The following DSG2 variants were observed in gnomAD, a reference collection of about 807,000 sequenced individuals.
DSG2 encodes the protein desmoglein 2, also known as desmoglein-2.
A neutral mutation model predicts 75.6 loss-of-function variants in DSG2; 45 were observed. The ratio of observed to expected loss-of-function variants is 0.60; its 90% CI spans 0.47 to 0.76. DSG2 has a LOEUF of 0.76. DSG2 is among the 30% of genes least tolerant of loss of function. DSG2 has a pLI of 0.00. For synonymous variants in DSG2, 429 were observed against 483.9 expected (o/e 0.89, Z 1.49); for missense variants, 1,267 against 1,357.4 (o/e 0.93, Z 1.05).
chr18:31,524,070 CA>C (rs1384644266), intron 6 of DSG2, among the ~76,000 whole-genome samples: 1 of 152,190 alleles, frequency 6.6e-6, no homozygotes, highest in Non-Finnish European at 1.5e-5. Flanking sequence ...CTTCACTAAC[CA>C]AGTTTATTTA....
chr18:31,523,644 A>C (rs952852358), intron 6 of DSG2, among the ~76,000 whole-genome samples: 5 of 152,210 alleles, frequency 3.3e-5, no homozygotes, highest in African/African-American at 1.2e-4. Flanking sequence ...CTTACTGGGC[A>C]TTTACCTTCT....
chr18:31,517,036 G>A (rs2073098235), intron 1 of DSG2, among the ~76,000 whole-genome samples: 1 of 152,146 alleles, frequency 6.6e-6, no homozygotes, highest in Admixed American at 6.5e-5. Context: ...AGAAAGTGCT[G>A]GTTCAGATTG....
intron 11 of DSG2, 129 bp downstream of exon 11, chr18:31,536,558 GT>G (rs1370103879): frequency 1.1e-6 from 1 of 938,812 alleles, no homozygotes; most frequent in African/African-American, 1.6e-5. Flanking sequence ...ATGAAATGAG[GT>G]CCTGAACCTA....
rs1395516487 is a variant in DSG2, at chr18:31,524,899, A to G, written c.1014+11A>G. 1.2e-6 allele frequency: 2 copies of G among 1,614,002 alleles called. No homozygotes were observed. The highest frequency in any genetic ancestry group is 1.3e-5 in the African/African-American group (1 of 75,060). On this transcript the variant is annotated intron_variant, in intron 8 of 14. Transcript: ENST00000261590. Reference sequence around the variant, plus strand: ...GTGACCCTTATTAAGGTAAGTACTAAGTATTCAAAACTGGCGTGGGCCAAG... The same window carrying G: ...GTGACCCTTATTAAGGTAAGTACTAGGTATTCAAAACTGGCGTGGGCCAAG...
In DSG2 at chr18:31,499,386, G is replaced by GTC. The variant is rs1260164308; in HGVS notation, c.45+1093_45+1094dup. On this transcript the variant is annotated intron_variant, in intron 1 of 14. Coordinates refer to ENST00000261590, the MANE Select transcript of DSG2 (RefSeq NM_001943.5). The stretch of plus-strand genomic sequence containing the variant: ...TGTGTGTGTGTGTGTGTGTGTGTGT[G>GTC]TCTCAAAACGGAAAAAGGCGTGACT... Among the ~76,000 whole-genome samples the GTC allele has an allele frequency of 3.4e-5, 5 of 147,706 alleles. No individual in the cohort carries two copies. The South Asian group carries it at 1.1e-3, about 32-fold the overall frequency.
intron 1 of DSG2, among the ~76,000 whole-genome samples, chr18:31,502,330 C>G (rs563957224): frequency 6.6e-6 from 1 of 151,872 alleles, no homozygotes; most frequent in African/African-American, 2.4e-5. Context: ...CAAGTGTAAG[C>G]GTGAGAATTA....
intron 1 of DSG2, among the ~76,000 whole-genome samples, chr18:31,499,100 G>A (rs998995902): frequency 6.6e-6 from 1 of 152,006 alleles, no homozygotes; most frequent in Non-Finnish European, 1.5e-5. Flanking sequence ...TTTGTTTAAG[G>A]GGTTGCACGT....
rs763994831 is a variant in DSG2 at position 31,542,760 on chromosome 18, G to A, written c.2242G>A (p.Ala748Thr). ...AIMTTETTKTARATGASRDMA... is the reference protein window; with the variant it reads ...AIMTTETTKTTRATGASRDMA... The stretch of plus-strand genomic sequence containing the variant: ...CATGACCACTGAAACCACGAAGACC[G>A]CAAGGGCCACAGGGGCTTCCAGAGA... Residue 748 changes from alanine (A) to threonine (T), a missense_variant, in exon 14 of 15, where the codon GCA becomes ACA. By Grantham distance (58) the Ala-to-Thr change is moderately conservative. Transcript: ENST00000261590. 2.4e-5 allele frequency: 38 copies of A among 1,613,720 alleles called. No homozygotes were observed. The East Asian group carries it at 5.8e-4, about 25-fold the overall frequency.
chr18:31,540,054 G>T (rs537473882), intron 12 of DSG2, among the ~76,000 whole-genome samples: 2 of 151,838 alleles, frequency 1.3e-5, no homozygotes, highest in East Asian at 3.9e-4. Flanking sequence ...TAAGTTCAGG[G>T]CTCCCACTGA....
chr18:31,532,697 G>A (rs149471269), intron 9 of DSG2, among the ~76,000 whole-genome samples: 45 of 152,282 alleles, frequency 3.0e-4, no homozygotes, highest in African/African-American at 9.9e-4. Flanking sequence ...ATGTGGTCTA[G>A]TTGGTCTAGT....
chr18:31,521,183 A>C lies in DSG2; in HGVS notation c.463A>C (p.Asn155His), dbSNP rs764577709. 1.9e-6 allele frequency: 3 copies of C among 1,614,008 alleles called. No homozygotes were observed. The South Asian group carries it at 3.3e-5, about 18-fold the overall frequency. Residue 155 changes from asparagine to histidine, a missense_variant, in exon 5 of 15, where the codon AAC (asparagine) becomes CAC (histidine). Coordinates refer to ENST00000261590, the MANE Select transcript of DSG2 (RefSeq NM_001943.5). ...CATTAAGGTTCTTGATATCAATGAC[A>C]ACGAACCAGTGTTCACACAGGATGT... ...LRIKVLDIND[N>H]EPVFTQDVFV...
In DSG2 at chr18:31,546,569, C is replaced by A. The variant is rs1420676188; in HGVS notation, c.3183C>A (p.Tyr1061Ter). 6.2e-7 allele frequency: 1 copy of A among 1,614,198 alleles called. No homozygotes were observed. The highest frequency in any genetic ancestry group is 1.1e-5 in the South Asian group (1 of 91,082). The change falls in exon 15 of 15, where the codon TAC (tyrosine) becomes TAA (stop). Residue 1061 changes from tyrosine to a stop codon, truncating the protein, a stop_gained. Coordinates refer to ENST00000261590, the MANE Select transcript of DSG2 (RefSeq NM_001943.5). LOFTEE classifies it low-confidence loss of function (END_TRUNC). ...LAPASTLQSS[Y>*]QIPTENSMTA... ...CTGCTTCCACTCTGCAATCCAGTTA[C>A]CAGATTCCCACTGAAAATTCTATGA...
chr18:31,521,807 A>G (rs977378808), intron 5 of DSG2, among the ~76,000 whole-genome samples: 1 of 152,114 alleles, frequency 6.6e-6, no homozygotes, highest in African/African-American at 2.4e-5. Context: ...CTTTCTTTGT[A>G]TTGGCTACTA....
intron 11 of DSG2, among the ~76,000 whole-genome samples, chr18:31,536,977 C>T (rs1008118471): frequency 6.6e-6 from 1 of 152,198 alleles, no homozygotes; most frequent in Non-Finnish European, 1.5e-5. Flanking sequence ...TGTCAGTGGA[C>T]ATGTCCATAT....
intron 8 of DSG2, among the ~76,000 whole-genome samples, chr18:31,528,468 T>C (rs544080200): frequency 6.6e-6 from 1 of 152,228 alleles, no homozygotes; most frequent in East Asian, 1.9e-4. Flanking sequence ...TCCCAGCACT[T>C]TGGGAGGCCG....
chr18:31,545,030 G>C (rs1290655486), intron 14 of DSG2, among the ~76,000 whole-genome samples: 5 of 152,098 alleles, frequency 3.3e-5, no homozygotes, highest in Non-Finnish European at 7.4e-5. Flanking sequence ...GCTTAACAGG[G>C]ATGTGGGTGG....
At chr18:31,501,334 A>G (rs990516765) in intron 1 of DSG2, among the ~76,000 whole-genome samples, 5 of 152,214 alleles carry the variant, frequency 3.3e-5, no homozygotes, top group Non-Finnish European at 5.9e-5. Context: ...TTTAAAATCA[A>G]ACTACATTTT....
At chr18:31,544,341 G>A (rs1350521717) in intron 14 of DSG2, among the ~76,000 whole-genome samples, 1 of 151,956 alleles carries the variant, frequency 6.6e-6, no homozygotes, top group Non-Finnish European at 1.5e-5. Flanking sequence ...GTAACAAAGA[G>A]ATATATAAAA....
chr18:31,500,667 T>C (rs1028127205), intron 1 of DSG2, among the ~76,000 whole-genome samples: 8 of 152,204 alleles, frequency 5.3e-5, no homozygotes, highest in African/African-American at 1.9e-4. Flanking sequence ...ACATGGTCTT[T>C]CGCTTTCCTC....
Sources: allele counts gnomAD v4.1 joint callset (sites outside exome capture counted in the v4.1 genomes callset), GRCh38; gene constraint gnomAD v4.1.1; transcripts MANE v1.5; gene names NCBI Gene and HGNC (gene_info 2026-07-23, HGNC 2026-07-21).